The following HIF3A variants were observed in gnomAD, a reference collection of about 807,000 sequenced individuals.
The protein encoded by HIF3A is hypoxia-inducible factor 3-alpha.
HIF3A carries 41 observed loss-of-function variants against 67.2 expected under a neutral mutation model. The ratio of observed to expected loss-of-function variants is 0.61; its 90% CI spans 0.48 to 0.79. The LOEUF (loss-of-function observed/expected upper bound fraction) is 0.79, where lower values mean the gene tolerates loss of function less well. Ranked by LOEUF, HIF3A falls within the 30% of genes least tolerant of loss-of-function variation. HIF3A has a pLI of 0.00. For missense variants in HIF3A, 855 were observed against 898.0 expected, an observed-to-expected ratio of 0.95 and a Z score of 0.61; for synonymous variants, 356 against 374.8, an observed-to-expected ratio of 0.95 and a Z score of 0.58.
intron 14 of HIF3A, among the ~76,000 whole-genome samples, chr19:46,337,523 C>T (rs766173891): frequency 4.1e-4 from 62 of 152,272 alleles, no homozygotes; most frequent in South Asian, 2.1e-3. Flanking sequence ...CCTGCCTCAG[C>T]CTTCCAAAGT....
At chr19:46,335,489 C>T (rs1372049055) in intron 14 of HIF3A, among the ~76,000 whole-genome samples, 7 of 151,984 alleles carry the variant, frequency 4.6e-5, no homozygotes, top group Admixed American at 6.6e-5. Context: ...AGGCTGGTCT[C>T]GAACTCCTGA....
In HIF3A at chr19:46,321,859, T is replaced by A. The variant is rs764641288; in HGVS notation, c.1228T>A (p.Cys410Ser). The A allele has an allele frequency of 1.2e-6, 2 of 1,614,064 alleles. No individual in the cohort carries two copies. Among genetic ancestry groups the A allele is most frequent in the South Asian group, 2.2e-5 (2 of 91,084 alleles). Residue 410 changes from cysteine to serine, a missense_variant, in exon 10 of 15, where the codon TGC becomes AGC. By Grantham distance (112) the Cys-to-Ser change is moderately radical. This residue lies in a region of HIF3A where 638 missense variants were observed against 660.5 expected (regional missense o/e 0.97). Coordinates refer to ENST00000377670, the MANE Select transcript of HIF3A (RefSeq NM_152795.4). ...CCTGGCCGCTGACCCCCGCCGTTTC[T>A]GCAGCCCTGACCTCCGTCGCCTCCT... ...AALAADPRRF[C>S]SPDLRRLLGP...
chr19:46,317,984 C>T (rs1024847114), intron 8 of HIF3A, among the ~76,000 whole-genome samples: 1 of 151,916 alleles, frequency 6.6e-6, no homozygotes, highest in Non-Finnish European at 1.5e-5. Flanking sequence ...TACAAGCACC[C>T]GCCACCACAC....
At chr19:46,298,895 C>T (rs534286759) in intron 1 of HIF3A, among the ~76,000 whole-genome samples, 2 of 152,210 alleles carry the variant, frequency 1.3e-5, no homozygotes, top group South Asian at 2.1e-4. Context: ...GACGCCCCCC[C>T]CCAATACCCA....
At position 46,325,594 on chromosome 19, in the gene HIF3A, C is replaced by T. The variant is rs371769819; in HGVS notation, c.1395C>T (p.Ser465=). 41 of 1,613,400 alleles carry T rather than the reference C, an allele frequency of 2.5e-5. No individual in the cohort carries two copies. Among genetic ancestry groups the T allele is most frequent in the African/African-American group, 1.6e-4 (12 of 74,970 alleles). ...AGAATGTGCACAGACTCTTCACCTCCGGGAAAGACACTGAGGCAGTGGAGA... is the reference window on the plus strand; with the variant it reads ...AGAATGTGCACAGACTCTTCACCTCTGGGAAAGACACTGAGGCAGTGGAGA... ...GTENVHRLFT[S]GKDTEAVETD... Residue 465 remains serine, a synonymous_variant, in exon 11 of 15, where the codon TCC becomes TCT. Coordinates refer to ENST00000377670, the MANE Select transcript of HIF3A (RefSeq NM_152795.4).
intron 3 of HIF3A, among the ~76,000 whole-genome samples, chr19:46,305,847 T>C (rs1203976626): frequency 2.0e-5 from 3 of 152,070 alleles, no homozygotes; most frequent in African/African-American, 7.2e-5. Context: ...GAGGCCAAGA[T>C]GGGAGGATAG....
At chr19:46,339,128 A>G (rs908551242) in intron 14 of HIF3A, among the ~76,000 whole-genome samples, 3 of 152,304 alleles carry the variant, frequency 2.0e-5, no homozygotes, top group Admixed American at 1.3e-4. Flanking sequence ...CTTATTTAAA[A>G]AAAGGACTAA....
intron 13 of HIF3A, among the ~76,000 whole-genome samples, chr19:46,333,856 G>A (rs1418958258): frequency 1.1e-4 from 14 of 133,136 alleles, no homozygotes; most frequent in South Asian, 2.5e-4. Flanking sequence ...GCAGTGGCGC[G>A]ATCTCGGCTC....
chr19:46,318,255 G>C (rs1449619483), intron 8 of HIF3A, among the ~76,000 whole-genome samples: 1 of 151,410 alleles, frequency 6.6e-6, no homozygotes, highest in Non-Finnish European at 1.5e-5. Context: ...CTGCCACCCA[G>C]GCTGGAACCA....
chr19:46,331,307 T>A (rs777827097), intron 13 of HIF3A, 34 bp downstream of exon 13: 4 of 1,540,090 alleles, frequency 2.6e-6, no homozygotes, highest in Non-Finnish European at 3.6e-6. Context: ...TCTCTGGCCC[T>A]CATTACCTAG....
intron 2 of HIF3A, 182 bp downstream of exon 2, chr19:46,304,270 T>G: frequency 5.2e-6 from 3 of 573,590 alleles, no homozygotes; most frequent in Non-Finnish European, 9.1e-6. Context: ...CCCCGCCCCC[T>G]TTGAGTTCCT....
intron 11 of HIF3A, among the ~76,000 whole-genome samples, chr19:46,328,896 C>G (rs1005060036): frequency 6.6e-6 from 1 of 151,900 alleles, no homozygotes; most frequent in Non-Finnish European, 1.5e-5. Context: ...AATTTTTTTC[C>G]TTTTTTGTGT....
chr19:46,310,305 G>C (rs1969318777), intron 6 of HIF3A, among the ~76,000 whole-genome samples: 2 of 152,154 alleles, frequency 1.3e-5, no homozygotes, highest in Admixed American at 1.3e-4. Context: ...TGAAGTGGGA[G>C]GAATAATTGA....
At chr19:46,303,785 G>A (rs1208285277) in intron 1 of HIF3A, 113 bp from the exon 2 acceptor site, 10 of 1,495,068 alleles carry the variant, frequency 6.7e-6, no homozygotes, top group Middle Eastern at 1.7e-4. Context: ...CTGCGCAGCC[G>A]CGGCCCAGCA....
At chr19:46,337,748 T>C (rs1426854276) in intron 14 of HIF3A, among the ~76,000 whole-genome samples, 4 of 152,216 alleles carry the variant, frequency 2.6e-5, no homozygotes, top group African/African-American at 9.6e-5. Flanking sequence ...TTCTTTGCCA[T>C]GTTACCACAT....
Position 46,305,404 on chromosome 19 carries a change from C to T in HIF3A, c.363+14C>T, listed in dbSNP as rs780560654. ...GGCCTCAGTCAGGTGAGAGGAGCTC[C>T]TTGCTCTGTGCCTGGCCCTGTACTG... is the stretch of plus-strand genomic sequence containing the variant. On this transcript the variant is annotated intron_variant, in intron 3 of 14. Coordinates refer to ENST00000377670, the MANE Select transcript of HIF3A (RefSeq NM_152795.4). 17 of 1,612,744 alleles carry T rather than the reference C, an allele frequency of 1.1e-5. No homozygotes were observed. Among genetic ancestry groups the T allele is most frequent in the Middle Eastern group, 1.6e-4 (1 of 6,078 alleles).
intron 5 of HIF3A, 107 bp from the exon 6 acceptor site, chr19:46,309,044 G>A: frequency 1.1e-6 from 1 of 938,150 alleles, no homozygotes; most frequent in East Asian, 2.6e-5. Context: ...TCTTCATGGG[G>A]TTGGAATCTC....
At chr19:46,335,436 A>G (rs1045482542) in intron 14 of HIF3A, among the ~76,000 whole-genome samples, 1 of 151,560 alleles carries the variant, frequency 6.6e-6, no homozygotes, top group Non-Finnish European at 1.5e-5. Context: ...CACCTGGCTA[A>G]TTTTTGTATT....
At chr19:46,319,820 C>T (rs1970218622) in intron 8 of HIF3A, among the ~76,000 whole-genome samples, 1 of 152,182 alleles carries the variant, frequency 6.6e-6, no homozygotes, top group Non-Finnish European at 1.5e-5. Context: ...GCCCCACCCC[C>T]TTCCCTCAGT....
Sources: allele counts gnomAD v4.1 joint callset (sites outside exome capture counted in the v4.1 genomes callset), GRCh38; gene constraint gnomAD v4.1.1; regional missense constraint gnomAD v4.1.1; transcripts MANE v1.5; gene names NCBI Gene and HGNC (gene_info 2026-07-23, HGNC 2026-07-21).